COL27A1: variants seen among roughly 807,000 people sequenced by gnomAD.
The protein encoded by COL27A1 is collagen alpha-1(XXVII) chain.
In COL27A1, 106 loss-of-function variants were observed where a neutral mutation model predicts 251.3. The observed-to-expected ratio is 0.42, with a 90% CI of 0.36 to 0.50. COL27A1 has a LOEUF of 0.50. COL27A1 is among the 20% of genes least tolerant of loss of function. The pLI is 0.00. For synonymous variants in COL27A1, 1,000 were observed against 986.3 expected, an observed-to-expected ratio of 1.01 and a Z score of -0.26; for missense variants, 2,325 against 2,522.8, an observed-to-expected ratio of 0.92 and a Z score of 1.68.
In COL27A1 at chr9:114,310,645, T is replaced by C. The variant is rs767461616; in HGVS notation, c.5533T>C (p.Ser1845Pro). The C allele has an allele frequency of 1.2e-6, 2 of 1,614,168 alleles. No homozygotes were observed. Among genetic ancestry groups the C allele is most frequent in the Non-Finnish European group, 1.7e-6 (2 of 1,180,028 alleles). ...CAGTGTGGACAACCTCCCTCCTGCC[T>C]CATCAGGGAAGCAGTACCGCCTGGA... ...IISVDNLPPA[S>P]SGKQYRLEVG... Residue 1845 changes from serine (S) to proline (P), a missense_variant, in exon 61 of 61, where the codon TCA (serine) becomes CCA (proline). Ser to Pro is a moderately conservative substitution (Grantham distance 74). Coordinates refer to ENST00000356083, the MANE Select transcript of COL27A1 (RefSeq NM_032888.4).
At chr9:114,259,593 A>G (rs1834173210) in intron 28 of COL27A1, among the ~76,000 whole-genome samples, 1 of 152,210 alleles carries the variant, frequency 6.6e-6, no homozygotes, top group Non-Finnish European at 1.5e-5. Flanking sequence ...AGAGGCACAG[A>G]AAGGTTGAGT....
At position 114,292,157 on chromosome 9, in the gene COL27A1, G is replaced by A. The variant is rs1827965098; in HGVS notation, c.4531G>A (p.Gly1511Ser). 1 of 1,561,500 alleles carries A rather than the reference G, an allele frequency of 6.4e-7. No homozygotes were observed. Among genetic ancestry groups the A allele is most frequent in the South Asian group, 1.2e-5 (1 of 84,594 alleles). Residue 1511 changes from glycine (G) to serine (S), a missense_variant, in exon 49 of 61, where the codon GGC (glycine) becomes AGC (serine). Physicochemically the swap from Gly to Ser is moderately conservative, Grantham distance 56. Around this residue, in one of 4 missense-constraint regions of COL27A1, gnomAD observed 153 missense variants for 140.7 expected, o/e 1.09. Coordinates refer to ENST00000356083, the MANE Select transcript of COL27A1 (RefSeq NM_032888.4). ...LGPPGKRGTEGRTGLPGNQGE... is the reference protein window; with the variant it reads ...LGPPGKRGTESRTGLPGNQGE... ...TCCCCCTGGCAAGCGAGGAACAGAG[G>A]GCAGAACGGGGCTCCCTGGAAACCA...
rs371803148 is a variant in COL27A1, at chr9:114,289,311, G to A, written c.4206+16G>A. ...AGGCGCAGAGGTAAGAGGGCCGGGG[G>A]TTCAGCAGGGAGACTGAGTCCCAGG... On this transcript the variant is annotated intron_variant, in intron 45 of 60. Coordinates refer to ENST00000356083, the MANE Select transcript of COL27A1 (RefSeq NM_032888.4). The A allele has an allele frequency of 8.3e-6, 13 of 1,565,148 alleles. No individual in the cohort carries two copies. Among genetic ancestry groups the A allele is most frequent in the Middle Eastern group, 1.7e-4 (1 of 5,942 alleles).
In COL27A1 at chr9:114,221,885, C is replaced by A. The variant is rs200870872; in HGVS notation, c.2422-338C>A. Among the ~76,000 whole-genome samples the A allele has an allele frequency of 9.8e-5, 15 of 152,328 alleles. No individual in the cohort carries two copies. The East Asian group carries it at 2.7e-3, about 27-fold the overall frequency. ...ACTTAACCTCTGGAGCTTCAGTTTT[C>A]CTGTCTGTAAAATGAGCGTGAAATG... is the stretch of plus-strand genomic sequence containing the variant. On this transcript the variant is annotated intron_variant, in intron 13 of 60. Coordinates refer to ENST00000356083, the MANE Select transcript of COL27A1 (RefSeq NM_032888.4).
At chr9:114,210,080 C>A (rs1054566148) in intron 11 of COL27A1, among the ~76,000 whole-genome samples, 2 of 152,160 alleles carry the variant, frequency 1.3e-5, no homozygotes, top group South Asian at 4.1e-4. Context: ...TGAGGGTATG[C>A]GGAGCCTCTT....
chr9:114,155,852 T>C lies in COL27A1; in HGVS notation c.-99T>C. 2.1e-6 allele frequency: 2 copies of C among 961,238 alleles called. No individual in the cohort carries two copies. Among genetic ancestry groups the C allele is most frequent in the Non-Finnish European group, 2.5e-6 (2 of 796,348 alleles). The allele number at this position is 961,238 out of a possible 1,614,324, so 59.5% of individuals were successfully genotyped here. A position where few individuals can be genotyped will look rare whatever the true frequency, so the allele number is the denominator to read the frequency against. ...CGCTGGGGGCGCGGGGGCCGCGCGCTCTAAGCCGGCCTGGCGCGGCGGGGC... is the reference window on the plus strand; with the variant it reads ...CGCTGGGGGCGCGGGGGCCGCGCGCCCTAAGCCGGCCTGGCGCGGCGGGGC... On this transcript the variant is annotated 5_prime_UTR_variant, in exon 1 of 61. Coordinates refer to ENST00000356083, the MANE Select transcript of COL27A1 (RefSeq NM_032888.4). This position sits in a 1 kb window ranked among gnomAD's most constrained non-coding sequence, Gnocchi z 5.5.
At chr9:114,284,399 G>A (rs946428080) in intron 40 of COL27A1, among the ~76,000 whole-genome samples, 12 of 152,236 alleles carry the variant, frequency 7.9e-5, no homozygotes, top group African/African-American at 2.4e-4. Flanking sequence ...GCCTGGGAAG[G>A]TCTGTTGAGG....
chr9:114,157,926 A>ATAAGTGCTCAG (rs1848227534), intron 1 of COL27A1, among the ~76,000 whole-genome samples: 1 of 152,206 alleles, frequency 6.6e-6, no homozygotes, highest in Admixed American at 6.5e-5. Context: ...CTGGCATGTA[A>ATAAGTGCTCAG]TAAGTGCTCA....
chr9:114,254,815 G>A (rs1204715085), intron 27 of COL27A1, among the ~76,000 whole-genome samples: 7 of 152,216 alleles, frequency 4.6e-5, no homozygotes, highest in Non-Finnish European at 8.8e-5. Flanking sequence ...TACAAAAATG[G>A]TAAGAAAGAG....
chr9:114,157,318 T>G (rs1848191221), intron 1 of COL27A1, among the ~76,000 whole-genome samples: 1 of 152,322 alleles, frequency 6.6e-6, no homozygotes, highest in South Asian at 2.1e-4. Flanking sequence ...CACGTTGTCC[T>G]GCATCATGTG....
intron 10 of COL27A1, 192 bp from the exon 11 acceptor site, chr9:114,209,483 C>A (rs750207711): frequency 1.3e-6 from 1 of 778,876 alleles, no homozygotes; most frequent in Non-Finnish European, 2.4e-6. Context: ...GAAGCCAGCA[C>A]CATGCAGTCC....
intron 22 of COL27A1, among the ~76,000 whole-genome samples, chr9:114,242,459 CT>C (rs113020547): frequency 9.8e-5 from 15 of 152,378 alleles, no homozygotes; most frequent in African/African-American, 3.6e-4. Context: ...ATTTATTCTC[CT>C]TGATTCTCCC....
At chr9:114,233,919 G>A (rs991556778) in intron 16 of COL27A1, among the ~76,000 whole-genome samples, 3 of 152,028 alleles carry the variant, frequency 2.0e-5, no homozygotes, top group Non-Finnish European at 2.9e-5. Context: ...GATCAGCCAC[G>A]CACACATCCG....
intron 29 of COL27A1, 81 bp from the exon 30 acceptor site, chr9:114,264,843 C>G: frequency 2.1e-6 from 3 of 1,442,724 alleles, no homozygotes; most frequent in Non-Finnish European, 1.9e-6. Context: ...TTCCTTTTAT[C>G]TCCCATGTGG....
At chr9:114,243,346 A>G (rs542142356) in intron 22 of COL27A1, among the ~76,000 whole-genome samples, 161 bp from the exon 23 acceptor site, 23 of 152,264 alleles carry the variant, frequency 1.5e-4, no homozygotes, top group Non-Finnish European at 3.2e-4. Context: ...GTATTCCAGG[A>G]CAGCTGGCCA....
chr9:114,262,024 A>C lies in COL27A1; in HGVS notation c.3196-2331A>C, dbSNP rs553715620. On this transcript the variant is annotated intron_variant, in intron 28 of 60. Coordinates refer to ENST00000356083, the MANE Select transcript of COL27A1 (RefSeq NM_032888.4). Reference sequence around the variant, plus strand: ...AAGCCCTCAACACCTCTGAGCCTCCACTCCCCTCCCAGAGCTATCCCTTTC... The same window carrying C: ...AAGCCCTCAACACCTCTGAGCCTCCCCTCCCCTCCCAGAGCTATCCCTTTC... Among the ~76,000 whole-genome samples the C allele has an allele frequency of 9.2e-4, 140 of 151,882 alleles. 1 individual carries two copies. Among genetic ancestry groups the C allele is most frequent in the African/African-American group, 3.2e-3 (132 of 41,394 alleles).
intron 17 of COL27A1, 109 bp downstream of exon 17, chr9:114,235,761 ACGG>A (rs1348577776): frequency 2.5e-6 from 2 of 806,746 alleles, no homozygotes; most frequent in African/African-American, 1.7e-5. Context: ...CACCTGTAAG[ACGG>A]CTGCCCTCGA....
chr9:114,292,369 C>T (rs143479288), intron 49 of COL27A1, among the ~76,000 whole-genome samples, 159 bp downstream of exon 49: 1 of 152,132 alleles, frequency 6.6e-6, no homozygotes, highest in African/African-American at 2.4e-5. Flanking sequence ...AATCTGGGTA[C>T]CAGATACCAT....
intron 57 of COL27A1, among the ~76,000 whole-genome samples, chr9:114,305,668 C>A (rs1270390166): frequency 6.6e-6 from 1 of 152,122 alleles, no homozygotes; most frequent in African/African-American, 2.4e-5. Context: ...CAGGGGGAGG[C>A]ACCACCGGGG....
Sources: gnomAD v4.1 joint callset for allele counts (sites outside exome capture counted in the v4.1 genomes callset) on GRCh38, gnomAD v4.1.1 for gene constraint, gnomAD v4.1.1 regional missense constraint, Gnocchi (gnomAD v3.1) non-coding constraint, MANE v1.5 for transcripts, NCBI Gene and HGNC (gene_info 2026-07-23, HGNC 2026-07-21) for gene names.